LDLRAD4: variants seen among roughly 807,000 people sequenced by gnomAD.
LDLRAD4 encodes the protein low-density lipoprotein receptor class A domain-containing protein 4.
A neutral mutation model predicts 17.0 loss-of-function variants in LDLRAD4; 5 were observed. The observed-to-expected ratio is 0.29, with a 90% CI of 0.15 to 0.62. The LOEUF is 0.62. Ranked by LOEUF, LDLRAD4 falls within the 20% of genes least tolerant of loss-of-function variation. LDLRAD4 has a pLI of 0.84. For synonymous variants in LDLRAD4, 168 were observed against 171.8 expected (o/e 0.98, Z 0.17); for missense variants, 340 against 424.7 (o/e 0.80, Z 1.75).
chr18:13,277,100 G>T (rs1005813763), upstream of LDLRAD4, among the ~76,000 whole-genome samples: 9 of 152,152 alleles, frequency 5.9e-5, no homozygotes, highest in East Asian at 7.7e-4. Flanking sequence ...CTGGGGTAGA[G>T]CTCCGCAGGA....
intron 3 of LDLRAD4, among the ~76,000 whole-genome samples, chr18:13,538,165 A>C (rs916151908): frequency 5.9e-5 from 9 of 151,996 alleles, no homozygotes; most frequent in Middle Eastern, 6.8e-3. Context: ...TTACTTTTCT[A>C]CTTTTTATTG....
Position 13,645,277 on chromosome 18 carries a change from C to T in LDLRAD4, c.541C>T (p.Pro181Ser), listed in dbSNP as rs1568451034. 6.2e-7 allele frequency: 1 copy of T among 1,614,226 alleles called. No homozygotes were observed. Among genetic ancestry groups the T allele is most frequent in the Non-Finnish European group, 8.5e-7 (1 of 1,180,040 alleles). ...CTCCCTGTCCGACGGTGAAGAGCCA[C>T]CTCCTTACCAGGGGCCCTGCACCCT... Residue 181 changes from proline (P) to serine (S), a missense_variant, in exon 6 of 6, where the codon CCT becomes TCT. Pro to Ser is a moderately conservative substitution (Grantham distance 74). Transcript: ENST00000359446. The surrounding 1 kb of genome is among the most constrained non-coding windows in gnomAD (Gnocchi z 5.7).
intron 3 of LDLRAD4, among the ~76,000 whole-genome samples, chr18:13,598,545 A>G (rs1014120230): frequency 3.9e-5 from 6 of 152,236 alleles, no homozygotes; most frequent in Non-Finnish European, 8.8e-5. Flanking sequence ...GACCCCAGAA[A>G]GGTTCTTCTT....
chr18:13,226,201 T>TTTTG (rs2041793833), intron 1 of LDLRAD4, among the ~76,000 whole-genome samples: 1 of 143,756 alleles, frequency 7.0e-6, no homozygotes, highest in South Asian at 2.2e-4. Context: ...TTTTTTTTTT[T>TTTTG]GTAGAGACCG....
At position 13,624,911 on chromosome 18, in the gene LDLRAD4, C is replaced by T. The variant is rs2040991236; in HGVS notation, c.336+3640C>T. ...GAGGATGAGTGTGTCTGGGCAGATG[C>T]TGCCATCCTCATGGCTTCTTTCCAG... On this transcript the variant is annotated intron_variant, in intron 4 of 5. Coordinates refer to ENST00000359446, the Ensembl canonical transcript of LDLRAD4. 2.6e-5 allele frequency among the ~76,000 whole-genome samples: 4 copies of T among 152,330 alleles called. No individual in the cohort carries two copies. In the South Asian group the frequency reaches 8.3e-4, roughly 32 times the overall value.
chr18:13,362,312 T>C (rs547819755), intron 1 of LDLRAD4: 1 of 152,382 alleles, frequency 6.6e-6, no homozygotes, highest in South Asian at 2.1e-4. Flanking sequence ...TTTCCTATGA[T>C]TGTGCCAGCT....
intron 1 of LDLRAD4, among the ~76,000 whole-genome samples, chr18:13,322,365 T>C (rs1453801847): frequency 7.3e-6 from 1 of 137,852 alleles, no homozygotes; most frequent in African/African-American, 2.7e-5. Flanking sequence ...AGTGGCGCAA[T>C]CTTGGCTCAC....
At chr18:13,511,487 G>A (rs551285574) in intron 3 of LDLRAD4, among the ~76,000 whole-genome samples, 1 of 152,204 alleles carries the variant, frequency 6.6e-6, no homozygotes, top group African/African-American at 2.4e-5. Flanking sequence ...ACTCCAGCCT[G>A]GGTGACAGAG....
intron 3 of LDLRAD4, among the ~76,000 whole-genome samples, chr18:13,610,888 T>C (rs2039488568): frequency 6.6e-6 from 1 of 152,164 alleles, no homozygotes; most frequent in Admixed American, 6.5e-5. Context: ...GGAGGGGAGT[T>C]CCATTTTTAA....
chr18:13,393,434 G>A (rs928723630), intron 2 of LDLRAD4, among the ~76,000 whole-genome samples: 5 of 152,126 alleles, frequency 3.3e-5, no homozygotes, highest in African/African-American at 1.2e-4. Flanking sequence ...GGCAGGGACA[G>A]CTTCTCATAG....
intron 1 of LDLRAD4, among the ~76,000 whole-genome samples, chr18:13,226,200 T>TTTTTTTTTTTTTTG (rs1399999238): frequency 1.5e-4 from 22 of 143,284 alleles, no homozygotes; most frequent in Non-Finnish European, 2.7e-4. Flanking sequence ...TTTTTTTTTT[T>TTTTTTTTTTTTTTG]TGTAGAGACC....
At chr18:13,251,168 C>T (rs79359094) in intron 1 of LDLRAD4, among the ~76,000 whole-genome samples, 3,437 of 152,154 alleles carry the variant, frequency 0.023, 65 homozygotes, top group African/African-American at 0.045. Flanking sequence ...CATTTGATAA[C>T]CTTTAGCACC....
intron 3 of LDLRAD4, among the ~76,000 whole-genome samples, chr18:13,442,869 G>A (rs2091125452): frequency 6.6e-6 from 1 of 152,172 alleles, no homozygotes; most frequent in African/African-American, 2.4e-5. Flanking sequence ...TCTCACCACT[G>A]GACCTTAAGA....
rs564423185 is a variant in LDLRAD4 at position 13,395,216 on chromosome 18, C to G, written c.40+7454C>G. On this transcript the variant is annotated intron_variant, in intron 2 of 5. Transcript: ENST00000359446. The stretch of plus-strand genomic sequence containing the variant: ...AAGTGAAATAACATTTGTAAAGTAC[C>G]AAAACACAGTCTGGCTTATAGTGGT... Among the ~76,000 whole-genome samples, 19 of 151,768 alleles carry G rather than the reference C, an allele frequency of 1.3e-4. No homozygotes were observed. In the East Asian group the frequency reaches 3.5e-3, roughly 28 times the overall value.
intron 3 of LDLRAD4, chr18:13,488,023 C>T (rs2093272929): frequency 6.6e-6 from 1 of 152,616 alleles, no homozygotes; most frequent in East Asian, 1.9e-4. Context: ...CAGTGAGCTG[C>T]CTGGGCTCTT....
At chr18:13,430,763 C>T (rs2090281436) in intron 2 of LDLRAD4, among the ~76,000 whole-genome samples, 1 of 152,212 alleles carries the variant, frequency 6.6e-6, no homozygotes, top group Non-Finnish European at 1.5e-5. Flanking sequence ...CCTCTGGTCT[C>T]ACACAAAGTA....
At chr18:13,598,092 A>AT (rs1396112964) in intron 3 of LDLRAD4, among the ~76,000 whole-genome samples, 1 of 151,982 alleles carries the variant, frequency 6.6e-6, no homozygotes, top group Non-Finnish European at 1.5e-5. Flanking sequence ...TGCTTGTCTC[A>AT]TTTTTTGTTA....
chr18:13,618,780 G>A (rs1322003300), intron 3 of LDLRAD4, among the ~76,000 whole-genome samples: 1 of 152,248 alleles, frequency 6.6e-6, no homozygotes, highest in African/African-American at 2.4e-5. Flanking sequence ...ATAGAAATGT[G>A]ACCTTATTTC....
intron 1 of LDLRAD4, among the ~76,000 whole-genome samples, chr18:13,319,725 A>G (rs984781441): frequency 1.3e-5 from 2 of 152,232 alleles, no homozygotes; most frequent in Non-Finnish European, 2.9e-5. Context: ...TGATAAGGAA[A>G]TAAACAGTAC....
Sources: allele counts gnomAD v4.1 joint callset (sites outside exome capture counted in the v4.1 genomes callset), GRCh38; gene constraint gnomAD v4.1.1; non-coding constraint Gnocchi (gnomAD v3.1); transcripts MANE v1.5; gene names NCBI Gene and HGNC (gene_info 2026-07-23, HGNC 2026-07-21).